The following PDE4D variants were observed in gnomAD, a reference collection of about 807,000 sequenced individuals.
The protein encoded by PDE4D is phosphodiesterase 4D, also known as 3',5'-cyclic-AMP phosphodiesterase 4D.
In PDE4D, 24 loss-of-function variants were observed where a neutral mutation model predicts 87.4. That is an observed-to-expected ratio of 0.27 (90% CI 0.20 to 0.39). The LOEUF (loss-of-function observed/expected upper bound fraction) is 0.39. Among genes scored for constraint, PDE4D ranks in the 10% least tolerant of loss-of-function variants. The probability of loss-of-function intolerance (pLI) is 1.00; values close to 1 mark genes in which losing one functional copy is unlikely to be tolerated. For missense variants in PDE4D, 714 were observed against 1,041.0 expected (o/e 0.69, Z 4.32); for synonymous variants, 384 against 383.2 (o/e 1.00, Z -0.02).
chr5:58,993,724 AATTTT>A (rs1748480478), intron 6 of PDE4D, among the ~76,000 whole-genome samples: 1 of 152,160 alleles, frequency 6.6e-6, no homozygotes, highest in Non-Finnish European at 1.5e-5. Context: ...CCAAATTTTG[AATTTT>A]ATTTAATTTT....
At chr5:60,200,288 A>C (rs566336329) in intron 1 of PDE4D, among the ~76,000 whole-genome samples, 1 of 151,828 alleles carries the variant, frequency 6.6e-6, no homozygotes, top group Admixed American at 6.6e-5. Context: ...CATGGCTAGT[A>C]AGTATAAATC....
chr5:59,329,548 T>C (rs1235026529), intron 1 of PDE4D, among the ~76,000 whole-genome samples: 1 of 152,204 alleles, frequency 6.6e-6, no homozygotes, highest in Non-Finnish European at 1.5e-5. Flanking sequence ...CAACCTTCAA[T>C]CAATAAGCAT....
At chr5:59,636,780 A>T (rs552477485) in intron 1 of PDE4D, among the ~76,000 whole-genome samples, 1 of 152,254 alleles carries the variant, frequency 6.6e-6, no homozygotes, top group South Asian at 2.1e-4. Context: ...CTTAAACTTA[A>T]GACCTAAAAC....
At chr5:59,993,954 T>C (rs1763271405) in intron 2 of PDE4D, among the ~76,000 whole-genome samples, 1 of 152,070 alleles carries the variant, frequency 6.6e-6, no homozygotes, top group Non-Finnish European at 1.5e-5. Context: ...TGTTATGCTT[T>C]TTACTGCATA....
intron 1 of PDE4D, among the ~76,000 whole-genome samples, chr5:59,244,819 T>G: frequency 1.3e-5 from 2 of 148,204 alleles, no homozygotes; most frequent in African/African-American, 5.0e-5. Context: ...GTGAGCATGT[T>G]TGTGGGGTAT....
intron 5 of PDE4D, among the ~76,000 whole-genome samples, chr5:59,152,253 T>C (rs938937510): frequency 6.6e-6 from 1 of 152,166 alleles, no homozygotes; most frequent in East Asian, 1.9e-4. Flanking sequence ...ATTGTTATTA[T>C]TGAGGTTAAA....
intron 1 of PDE4D, among the ~76,000 whole-genome samples, chr5:59,444,979 T>C (rs945226034): frequency 6.6e-6 from 1 of 152,172 alleles, no homozygotes; most frequent in Non-Finnish European, 1.5e-5. Flanking sequence ...TGAAGGCCTT[T>C]CAAGTAAAAC....
chr5:60,281,754 C>T (rs908756752), intron 1 of PDE4D, among the ~76,000 whole-genome samples: 3 of 151,868 alleles, frequency 2.0e-5, no homozygotes, highest in African/African-American at 7.3e-5. Context: ...AAGAAGGGGC[C>T]GAGCATGGTG....
chr5:60,048,539 G>A (rs1769627893), intron 2 of PDE4D, among the ~76,000 whole-genome samples: 1 of 151,778 alleles, frequency 6.6e-6, no homozygotes, highest in African/African-American at 2.4e-5. Context: ...CTTCCTTCAG[G>A]AGCTCTTTTA....
At chr5:59,246,071 C>T (rs1287202376) in intron 1 of PDE4D, among the ~76,000 whole-genome samples, 1 of 151,186 alleles carries the variant, frequency 6.6e-6, no homozygotes, top group African/African-American at 2.4e-5. Context: ...CTAGTATCTG[C>T]TTAAACAACA....
chr5:60,386,597 A>G (rs72755115), intron 1 of PDE4D, among the ~76,000 whole-genome samples: 4,128 of 152,346 alleles, frequency 0.027, 81 homozygotes, highest in Admixed American at 0.049. Context: ...TGATGGGCAG[A>G]AAGCCAGTGC....
intron 1 of PDE4D, among the ~76,000 whole-genome samples, chr5:60,405,343 ACT>A (rs1485230486): frequency 6.6e-6 from 1 of 152,100 alleles, no homozygotes; most frequent in Non-Finnish European, 1.5e-5. Context: ...CACTCTCATA[ACT>A]CTCCTCCATT....
chr5:59,848,805 C>T (rs955078844), intron 1 of PDE4D, among the ~76,000 whole-genome samples: 6 of 151,920 alleles, frequency 3.9e-5, no homozygotes, highest in Non-Finnish European at 1.5e-5. Context: ...AAATAAAATC[C>T]GTAACCGGGG....
chr5:59,814,159 C>T (rs566367016), intron 1 of PDE4D, among the ~76,000 whole-genome samples: 1 of 152,048 alleles, frequency 6.6e-6, no homozygotes, highest in Non-Finnish European at 1.5e-5. Flanking sequence ...CACTAGGGGG[C>T]GGCAAACGAT....
At chr5:59,399,950 G>A (rs1440005404) in intron 1 of PDE4D, among the ~76,000 whole-genome samples, 6 of 114,380 alleles carry the variant, frequency 5.2e-5, no homozygotes, top group Admixed American at 8.5e-5. Context: ...CTCAAAAGAA[G>A]ACATTTATGC....
chr5:59,885,775 A>G (rs1473893629), intron 1 of PDE4D, among the ~76,000 whole-genome samples: 3 of 151,894 alleles, frequency 2.0e-5, no homozygotes, highest in African/African-American at 7.3e-5. Flanking sequence ...TCTTCATAAT[A>G]TTATAATTTC....
intron 3 of PDE4D, among the ~76,000 whole-genome samples, chr5:59,186,195 G>A (rs555712509): frequency 2.6e-3 from 389 of 152,262 alleles, no homozygotes; most frequent in South Asian, 0.015. Flanking sequence ...GTCTGAGTAG[G>A]TATTACCTAA....
chr5:59,684,449 A>G (rs1749529594), intron 1 of PDE4D, among the ~76,000 whole-genome samples: 1 of 152,208 alleles, frequency 6.6e-6, no homozygotes, highest in South Asian at 2.1e-4. Flanking sequence ...AGAAAAATAC[A>G]AGAATTTTTG....
chr5:60,222,214 G>C (rs2962964), intron 1 of PDE4D, among the ~76,000 whole-genome samples: 33,354 of 151,980 alleles, frequency 0.22, 3,841 homozygotes, highest in Middle Eastern at 0.36. Flanking sequence ...TCACGCAGCA[G>C]TATATGGGAT....
Sources: gnomAD v4.1 joint callset for allele counts (sites outside exome capture counted in the v4.1 genomes callset) on GRCh38, gnomAD v4.1.1 for gene constraint, MANE v1.5 for transcripts, NCBI Gene and HGNC (gene_info 2026-07-23, HGNC 2026-07-21) for gene names.